DYDC1: variants seen among roughly 807,000 people sequenced by gnomAD.
DYDC1 encodes DPY30 domain containing 1.
In DYDC1, 21 loss-of-function variants were observed where a neutral mutation model predicts 27.9. That is an observed-to-expected ratio of 0.75 (90% CI 0.53 to 1.08). The LOEUF is 1.08. Ranked by LOEUF, DYDC1 falls within the 50% of genes least tolerant of loss-of-function variation. The pLI, the probability that DYDC1 is intolerant of heterozygous loss-of-function variation, is 0.00. For synonymous variants in DYDC1, 67 were observed against 65.8 expected, an observed-to-expected ratio of 1.02 and a Z score of -0.09; for missense variants, 202 against 205.9, an observed-to-expected ratio of 0.98 and a Z score of 0.12.
At chr10:80,346,944 G>C (rs1393699313) in intron 3 of DYDC1, among the ~76,000 whole-genome samples, 1 of 152,048 alleles carries the variant, frequency 6.6e-6, no homozygotes, top group Non-Finnish European at 1.5e-5. Context: ...GCCAGGTGTG[G>C]TGGCGGGTGC....
chr10:80,342,821 A>G (rs61591038), intron 3 of DYDC1, among the ~76,000 whole-genome samples: 4,106 of 152,072 alleles, frequency 0.027, 196 homozygotes, highest in African/African-American at 0.092. Flanking sequence ...TCTCTACTAA[A>G]AATACAAAAA....
chr10:80,338,567 G>T lies in DYDC1; in HGVS notation c.404C>A (p.Ala135Glu). The T allele has an allele frequency of 6.5e-7, 1 of 1,540,446 alleles. No homozygotes were observed. Among genetic ancestry groups the T allele is most frequent in the Non-Finnish European group, 8.7e-7 (1 of 1,149,280 alleles). The change falls in exon 6 of 7, where the codon GCA becomes GAA. Residue 135 changes from alanine (A) to glutamate (E), a missense_variant. Physicochemically the swap from Ala to Glu is moderately radical, Grantham distance 107 (BLOSUM62 -1). Transcript: ENST00000372202. ...RNEDILHSEE[A>E]TLDSGKTLAE... The stretch of plus-strand genomic sequence containing the variant: ...TAGTGTTTTGCCTGAGTCTAGTGTT[G>T]CTTCCTACAATCAAAAAATTGATTT...
In DYDC1 at chr10:80,352,611, C is replaced by T. The variant is rs1843069108; in HGVS notation, c.-9-1G>A. 6.3e-7 allele frequency: 1 copy of T among 1,594,454 alleles called. No individual in the cohort carries two copies. Among genetic ancestry groups the T allele is most frequent in the Non-Finnish European group, 8.5e-7 (1 of 1,174,608 alleles). On this transcript the variant is annotated splice_acceptor_variant, in intron 1 of 6. Coordinates refer to ENST00000372202, the MANE Select transcript of DYDC1 (RefSeq NM_001269053.2). LOFTEE classifies it low-confidence loss of function (5UTR_SPLICE). ...GATATATTGACTCCATTTCTAACTC[C>T]TAAAAAGTAAGTGTTTTTGCATTAC...
chr10:80,351,633 T>A (rs77826237), intron 3 of DYDC1, among the ~76,000 whole-genome samples: 2,518 of 152,276 alleles, frequency 0.017, 74 homozygotes, highest in African/African-American at 0.058. Flanking sequence ...CACTCTGTAT[T>A]TTCCTCTTAC....
rs912218315 is a variant in DYDC1 at position 80,337,231 on chromosome 10, C to T, written c.505-1046G>A. 6 of 985,344 alleles carry T rather than the reference C, an allele frequency of 6.1e-6. No individual in the cohort carries two copies. The African/African-American group carries it at 1.0e-4, about 17-fold the overall frequency. 61.0% of individuals were successfully genotyped at this position (985,344 alleles called of 1,614,324 possible). On this transcript the variant is annotated intron_variant, in intron 6 of 6. Transcript: ENST00000372202. ...AGGTCAGGTCTCTCCCTACTCTGTC[C>T]CTCAAAGAAGCTTCCCCATTGGCCC...
intron 3 of DYDC1, among the ~76,000 whole-genome samples, chr10:80,349,182 C>A (rs1010590321): frequency 6.6e-6 from 1 of 152,208 alleles, no homozygotes; most frequent in African/African-American, 2.4e-5. Flanking sequence ...TGAGCCACCG[C>A]GCCCGGCCCG....
At chr10:80,352,336 T>C (rs1463174358) in intron 2 of DYDC1, 119 bp downstream of exon 2, 6 of 1,315,438 alleles carry the variant, frequency 4.6e-6, no homozygotes, top group Middle Eastern at 2.8e-4. Flanking sequence ...TTGTTCAAGT[T>C]TTTGTATAAT....
chr10:80,352,529 G>A lies in DYDC1; in HGVS notation c.73C>T (p.Arg25Cys), dbSNP rs143458629. ...TQGLAEVARVRPVDPIEYLAL... is the reference protein window; with the variant it reads ...TQGLAEVARVCPVDPIEYLAL... ...AAATATTCTATCGGATCCACTGGGC[G>A]AACTCTTGCCACTTCTGCAAGACCT... Residue 25 changes from arginine to cysteine, a missense_variant, in exon 2 of 7, where the codon CGC becomes TGC. Coordinates refer to ENST00000372202, the MANE Select transcript of DYDC1 (RefSeq NM_001269053.2). 21 of 1,613,328 alleles carry A rather than the reference G, an allele frequency of 1.3e-5. No homozygotes were observed. The highest frequency in any genetic ancestry group is 1.2e-4 in the African/African-American group (9 of 74,858).
At chr10:80,346,903 C>T (rs555154735) in intron 3 of DYDC1, among the ~76,000 whole-genome samples, 69 of 151,404 alleles carry the variant, frequency 4.6e-4, no homozygotes, top group African/African-American at 1.6e-3. Context: ...GGCGAAACCC[C>T]GTCTCTACTA....
intron 1 of DYDC1, among the ~76,000 whole-genome samples, chr10:80,355,146 A>G (rs1843283095): frequency 6.6e-6 from 1 of 151,760 alleles, no homozygotes; most frequent in South Asian, 2.1e-4. Flanking sequence ...AGAGTCTTCT[A>G]GGTATGAGGA....
Position 80,345,646 on chromosome 10 carries a change from A to ATT in DYDC1, c.250-3287_250-3286dup, listed in dbSNP as rs200935252. Among the ~76,000 whole-genome samples, 3 of 148,344 alleles carry ATT rather than the reference A, an allele frequency of 2.0e-5. No individual in the cohort carries two copies. In the South Asian group the frequency reaches 6.4e-4, roughly 32 times the overall value. On this transcript the variant is annotated intron_variant, in intron 3 of 6. Transcript: ENST00000372202. ...TATTCTCTCTTTTTATGTATTCAAC[A>ATT]TTTTTTTTTTAAGATTTCTACATAG...
intron 1 of DYDC1, chr10:80,356,467 T>C: frequency 1.0e-6 from 1 of 985,266 alleles, no homozygotes. Flanking sequence ...AGTGTGGTTT[T>C]CCCACCCGGG....
chr10:80,348,576 C>T lies in DYDC1; in HGVS notation c.249+3325G>A, dbSNP rs534616064. 2.6e-5 allele frequency among the ~76,000 whole-genome samples: 4 copies of T among 152,332 alleles called. No homozygotes were observed. In the South Asian group the frequency reaches 6.2e-4, roughly 24 times the overall value. On this transcript the variant is annotated intron_variant, in intron 3 of 6. Coordinates refer to ENST00000372202, the MANE Select transcript of DYDC1 (RefSeq NM_001269053.2). Reference sequence around the variant, plus strand: ...TGTCAGTGGATGTATTTTCCAACCTCGAACTACAATTCCAGAGTGTTTGTA... The same window carrying T: ...TGTCAGTGGATGTATTTTCCAACCTTGAACTACAATTCCAGAGTGTTTGTA...
At position 80,352,567 on chromosome 10, in the gene DYDC1, G is replaced by A. The variant is rs1014573442; in HGVS notation, c.35C>T (p.Ala12Val). The A allele has an allele frequency of 2.5e-6, 4 of 1,611,150 alleles. No homozygotes were observed. In the Admixed American group the frequency reaches 6.8e-5, roughly 27 times the overall value. Residue 12 changes from alanine to valine, a missense_variant, in exon 2 of 7, where the codon GCC (alanine) becomes GTC (valine). Coordinates refer to ENST00000372202, the MANE Select transcript of DYDC1 (RefSeq NM_001269053.2). ...ESIYLQKHLG[A>V]CLTQGLAEVA... The stretch of plus-strand genomic sequence containing the variant: ...TTCTGCAAGACCTTGAGTTAAACAG[G>A]CCCCAAGGTGCTTTTGAAGATATAT...
rs574546289 is a variant in DYDC1, at chr10:80,338,109, A to G, written c.504+358T>C. The G allele has an allele frequency of 8.1e-6, 8 of 985,430 alleles. No individual in the cohort carries two copies. In the African/African-American group the frequency reaches 1.2e-4, roughly 15 times the overall value. The allele number at this position is 985,430 out of a possible 1,614,324, so 61.0% of individuals were successfully genotyped here. A position where few individuals can be genotyped will look rare whatever the true frequency, so the allele number is the denominator to read the frequency against. On this transcript the variant is annotated intron_variant, in intron 6 of 6. Transcript: ENST00000372202. ...GTACTTACATACTGGAGAAGCATGCATTCTCATTAAGGCATTAATTTGGTT... is the reference window on the plus strand; with the variant it reads ...GTACTTACATACTGGAGAAGCATGCGTTCTCATTAAGGCATTAATTTGGTT...
At chr10:80,342,150 G>A in intron 4 of DYDC1, 119 bp downstream of exon 4, 1 of 901,136 alleles carries the variant, frequency 1.1e-6, no homozygotes, top group East Asian at 2.5e-5. Context: ...TACACAGCTA[G>A]TATGTGGCAT....
chr10:80,346,068 G>A lies in DYDC1; in HGVS notation c.250-3707C>T, dbSNP rs145629512. On this transcript the variant is annotated intron_variant, in intron 3 of 6. Transcript: ENST00000372202. ...TCCCTATGTTGCCCAAGCTGGTCTC[G>A]AACTCTGGACCTCAAGTGATCCTCA... Among the ~76,000 whole-genome samples the A allele has an allele frequency of 2.7e-4, 41 of 152,242 alleles. No individual in the cohort carries two copies. In the East Asian group the frequency reaches 5.6e-3, roughly 21 times the overall value.
intron 1 of DYDC1, 87 bp downstream of exon 1, chr10:80,356,625 A>G: frequency 2.0e-6 from 2 of 985,306 alleles, no homozygotes; most frequent in Non-Finnish European, 2.4e-6. Context: ...CCAAGGCCCA[A>G]CGGTCAGAAC....
Position 80,354,097 on chromosome 10 carries a change from C to G in DYDC1, c.-9-1487G>C, listed in dbSNP as rs1482185818. Among the ~76,000 whole-genome samples, 3 of 150,056 alleles carry G rather than the reference C, an allele frequency of 2.0e-5. No individual in the cohort carries two copies. The Admixed American group carries it at 2.0e-4, about 10-fold the overall frequency. On this transcript the variant is annotated intron_variant, in intron 1 of 6. Coordinates refer to ENST00000372202, the MANE Select transcript of DYDC1 (RefSeq NM_001269053.2). ...TGCCACTGCACTCCAGCCTGGGCGA[C>G]AGAGTGAGACTCTGTCTCATATATA...
Sources: gnomAD v4.1 joint callset for allele counts (sites outside exome capture counted in the v4.1 genomes callset) on GRCh38, gnomAD v4.1.1 for gene constraint, MANE v1.5 for transcripts, NCBI Gene and HGNC (gene_info 2026-07-23, HGNC 2026-07-21) for gene names.